CELF2: variants seen among roughly 807,000 people sequenced by gnomAD.
The protein encoded by CELF2 is CUGBP Elav-like family member 2.
Under a neutral mutation model 62.6 loss-of-function variants are expected in CELF2, and 8 were observed. The observed-to-expected ratio is 0.13, with a 90% CI of 0.07 to 0.23. The LOEUF is 0.23. CELF2 is among the 10% of genes least tolerant of loss of function. CELF2 has a pLI of 1.00. For missense variants in CELF2, 333 were observed against 671.0 expected (o/e 0.50, Z 5.56); for synonymous variants, 258 against 250.0 (o/e 1.03, Z -0.30).
chr10:10,980,862 C>T (rs1592689844), intron 2 of CELF2, among the ~76,000 whole-genome samples: 1 of 152,178 alleles, frequency 6.6e-6, no homozygotes. Flanking sequence ...CTCCAGCAAT[C>T]CTCCCACCTT....
chr10:10,910,636 G>A (rs995091343), intron 1 of CELF2, among the ~76,000 whole-genome samples: 5 of 137,304 alleles, frequency 3.6e-5, no homozygotes, highest in African/African-American at 1.1e-4. Context: ...GGAGGCAGAG[G>A]TTGTAGTGAG....
rs1048164935 is a variant in CELF2, at chr10:11,244,449, C to A, written c.355-4704C>A. On this transcript the variant is annotated intron_variant, in intron 3 of 12. Transcript: ENST00000633077. This position sits in a 1 kb window ranked among gnomAD's most constrained non-coding sequence, Gnocchi z 4.2. ...TGGGTGGATCCCAAGGTCAGGAGAT[C>A]GAGACCATCGTGGCTAACATGGTGA... is the stretch of plus-strand genomic sequence containing the variant. Among the ~76,000 whole-genome samples, 1 of 152,040 alleles carries A rather than the reference C, an allele frequency of 6.6e-6. No homozygotes were observed. Among genetic ancestry groups the A allele is most frequent in the Non-Finnish European group, 1.5e-5 (1 of 68,002 alleles).
chr10:11,213,426 G>A (rs780286423), intron 2 of CELF2, among the ~76,000 whole-genome samples: 5 of 152,228 alleles, frequency 3.3e-5, no homozygotes, highest in Non-Finnish European at 7.3e-5. Flanking sequence ...CTTAACAGCT[G>A]TATATTTGGT....
At chr10:10,517,670 G>A in the CELF2 span, among the ~76,000 whole-genome samples, 1 of 152,084 alleles carries the variant, frequency 6.6e-6, no homozygotes, top group Non-Finnish European at 1.5e-5. Flanking sequence ...GGTAGGCAGA[G>A]GCGATTTTCC....
the CELF2 span, among the ~76,000 whole-genome samples, chr10:10,508,920 C>T: frequency 2.0e-5 from 3 of 152,044 alleles, no homozygotes; most frequent in Non-Finnish European, 4.4e-5. Flanking sequence ...GTGATCCACT[C>T]GCCTCGGCCT....
chr10:10,707,100 T>C, the CELF2 span, among the ~76,000 whole-genome samples: 30 of 152,360 alleles, frequency 2.0e-4, no homozygotes, highest in African/African-American at 7.0e-4. Flanking sequence ...TGGGGGTTAC[T>C]GGTTTTCCTT....
At chr10:11,028,721 T>C (rs1593464056) in intron 1 of CELF2, among the ~76,000 whole-genome samples, 1 of 22,762 alleles carries the variant, frequency 4.4e-5, no homozygotes, top group South Asian at 5.1e-3. Flanking sequence ...ACCCAGCCTT[T>C]TTTTTTTTTT....
chr10:11,290,401 G>A lies in CELF2; in HGVS notation c.976+1849G>A, dbSNP rs1346401896. 2.0e-5 allele frequency among the ~76,000 whole-genome samples: 3 copies of A among 152,118 alleles called. No homozygotes were observed. Among genetic ancestry groups the A allele is most frequent in the African/African-American group, 7.2e-5 (3 of 41,430 alleles). ...GGGAGAGCGGAGTGGGGGCTCTGTG[G>A]TGGACCGCGTCCGTTCCAGCCCACG... On this transcript the variant is annotated intron_variant, in intron 9 of 12. Coordinates refer to ENST00000633077, the MANE Select transcript of CELF2 (RefSeq NM_001326342.2). The surrounding 1 kb of genome is among the most constrained non-coding windows in gnomAD (Gnocchi z 4.3).
chr10:11,250,064 A>G (rs2076686197), intron 4 of CELF2, among the ~76,000 whole-genome samples: 1 of 152,258 alleles, frequency 6.6e-6, no homozygotes, highest in South Asian at 2.1e-4. Context: ...GCAAATGTAA[A>G]TTATGATTGG....
At chr10:11,208,245 G>T (rs77261786) in intron 2 of CELF2, among the ~76,000 whole-genome samples, 1,791 of 152,132 alleles carry the variant, frequency 0.012, 33 homozygotes, top group African/African-American at 0.041. Context: ...CCTCCCCTTG[G>T]CCCTATGAAG....
chr10:10,657,026 T>C, the CELF2 span, among the ~76,000 whole-genome samples: 1 of 151,970 alleles, frequency 6.6e-6, no homozygotes, highest in Non-Finnish European at 1.5e-5. Context: ...CAAATATTCA[T>C]CAATGGATGA....
At chr10:11,067,344 A>G (rs895835780) in intron 1 of CELF2, among the ~76,000 whole-genome samples, 1 of 152,226 alleles carries the variant, frequency 6.6e-6, no homozygotes, top group African/African-American at 2.4e-5. Flanking sequence ...AAGTGCCGGT[A>G]AAAGGCAGGT....
chr10:10,817,683 T>C (rs1366657865), intron 1 of CELF2, among the ~76,000 whole-genome samples: 2 of 152,230 alleles, frequency 1.3e-5, no homozygotes, highest in Non-Finnish European at 2.9e-5. Context: ...TAGTACTCCA[T>C]TGTGTATACG....
chr10:11,307,470 C>A (rs570546862), intron 9 of CELF2, among the ~76,000 whole-genome samples: 25 of 152,358 alleles, frequency 1.6e-4, no homozygotes, highest in African/African-American at 5.8e-4. Flanking sequence ...TTCATTGTTT[C>A]ATAAAATAGA....
At chr10:11,263,828 A>G (rs1380704826) in intron 5 of CELF2, among the ~76,000 whole-genome samples, 2 of 152,140 alleles carry the variant, frequency 1.3e-5, no homozygotes, top group Non-Finnish European at 1.5e-5. Context: ...ACTTACCGTG[A>G]CCTCCTGTTT....
In CELF2 at chr10:10,947,825, G is replaced by A. The variant is rs1272272141; in HGVS notation, c.89+27826G>A. 2.0e-5 allele frequency among the ~76,000 whole-genome samples: 3 copies of A among 152,190 alleles called. No homozygotes were observed. The highest frequency in any genetic ancestry group is 4.4e-5 in the Non-Finnish European group (3 of 68,034). On this transcript the variant is annotated intron_variant, in intron 2 of 13. Transcript: ENST00000636488. This position sits in a 1 kb window ranked among gnomAD's most constrained non-coding sequence, Gnocchi z 4.1. ...AAAATGCTTCTAGTATGGGGCCATAGGAAAGTCTTCATGAAGAGTGTATTG... is the reference window on the plus strand; with the variant it reads ...AAAATGCTTCTAGTATGGGGCCATAAGAAAGTCTTCATGAAGAGTGTATTG...
intron 2 of CELF2, among the ~76,000 whole-genome samples, chr10:11,180,035 G>T (rs537245306): frequency 2.0e-5 from 3 of 152,250 alleles, no homozygotes; most frequent in Non-Finnish European, 2.9e-5. Context: ...CTAATGTGAG[G>T]TTCTGTTAGC....
chr10:11,197,025 A>AAAGAAAAGAAAG lies in CELF2; in HGVS notation c.272-20398_272-20397insGAAAAGAAAGAA, dbSNP rs1554936315. 9.2e-4 allele frequency among the ~76,000 whole-genome samples: 24 copies of AAAGAAAAGAAAG among 26,048 alleles called. 4 individuals carry two copies. The highest frequency in any genetic ancestry group is 1.8e-3 in the Non-Finnish European group (21 of 12,000). 17.1% of individuals were successfully genotyped at this position (26,048 alleles called of 152,430 possible). ...AGGAGAAAGAAAGAAAGAAAGAAAG[A>AAAGAAAAGAAAG]AAAGAAAGAAAGAAAGAAAGAAAGA... On this transcript the variant is annotated intron_variant, in intron 2 of 12. Transcript: ENST00000633077.
At chr10:10,538,959 G>A in the CELF2 span, among the ~76,000 whole-genome samples, 32 of 152,342 alleles carry the variant, frequency 2.1e-4, no homozygotes, top group African/African-American at 6.0e-4. Context: ...GGACATAAAT[G>A]TATGTAGTAA....
Sources: gnomAD v4.1 joint callset for allele counts (sites outside exome capture counted in the v4.1 genomes callset) on GRCh38, gnomAD v4.1.1 for gene constraint, Gnocchi (gnomAD v3.1) non-coding constraint, MANE v1.5 for transcripts, NCBI Gene and HGNC (gene_info 2026-07-23, HGNC 2026-07-21) for gene names.